Variants in MEF2B observed in about 807,000 individuals in gnomAD.
MEF2B encodes the protein myocyte-specific enhancer factor 2B.
In MEF2B, 15 loss-of-function variants were observed where a neutral mutation model predicts 32.2. The observed-to-expected ratio is 0.47, with a 90% CI of 0.31 to 0.72. MEF2B has a LOEUF of 0.72. Among genes scored for constraint, MEF2B ranks in the 30% least tolerant of loss-of-function variants. MEF2B has a pLI of 0.05. For missense variants in MEF2B, 441 were observed against 511.5 expected (o/e 0.86, Z 1.33); for synonymous variants, 205 against 225.6 (o/e 0.91, Z 0.82).
Position 19,150,083 on chromosome 19 carries a change from CAAAAAAAA to C in MEF2B, c.54+591_54+598del, listed in dbSNP as rs562187293. 5.0e-3 allele frequency among the ~76,000 whole-genome samples: 230 copies of C among 45,902 alleles called. 2 individuals are homozygous for C. The highest frequency in any genetic ancestry group is 0.021 in the African/African-American group (220 of 10,416). 30.1% of individuals were successfully genotyped at this position (45,902 alleles called of 152,430 possible). A position where few individuals can be genotyped will look rare whatever the true frequency, so the allele number is the denominator to read the frequency against. ...CTGGGCAACAAAGTGAACTCCATCTCAAAAAAAAAAAAAAAAAAAAAAAGGAAGGATGG... is the reference window on the plus strand; with the variant it reads ...CTGGGCAACAAAGTGAACTCCATCTCAAAAAAAAAAAAAAAGGAAGGATGG... On this transcript the variant is annotated intron_variant, in intron 2 of 8. Transcript: ENST00000424583.
intron 1 of MEF2B, among the ~76,000 whole-genome samples, chr19:19,151,773 T>G (rs894911469): frequency 6.6e-6 from 1 of 152,032 alleles, no homozygotes; most frequent in African/African-American, 2.4e-5. Context: ...CTTCTGTGAA[T>G]GGGCTGGTAG....
At chr19:19,159,094 C>T (rs1156821731) in intron 1 of MEF2B, among the ~76,000 whole-genome samples, 1 of 151,592 alleles carries the variant, frequency 6.6e-6, no homozygotes, top group Non-Finnish European at 1.5e-5. Context: ...GCACACACCA[C>T]TACACCCAGC....
intron 1 of MEF2B, among the ~76,000 whole-genome samples, chr19:19,154,725 T>A (rs2060108881): frequency 1.3e-5 from 2 of 152,226 alleles, no homozygotes; most frequent in Non-Finnish European, 2.9e-5. Context: ...ATTCCAGGCG[T>A]GAGCCACTAT....
At chr19:19,158,892 C>T (rs2060139137) in intron 1 of MEF2B, among the ~76,000 whole-genome samples, 1 of 151,898 alleles carries the variant, frequency 6.6e-6, no homozygotes, top group African/African-American at 2.4e-5. Context: ...AACTGAGATC[C>T]TGTCACTGCA....
At chr19:19,153,618 C>G (rs28637041) in intron 1 of MEF2B, among the ~76,000 whole-genome samples, 24,454 of 151,802 alleles carry the variant, frequency 0.16, 2,233 homozygotes, top group East Asian at 0.34. Context: ...CACCACACCT[C>G]GCTAATTTTT....
At chr19:19,166,888 A>C (rs529466658) in intron 1 of MEF2B, among the ~76,000 whole-genome samples, 1 of 152,070 alleles carries the variant, frequency 6.6e-6, no homozygotes, top group South Asian at 2.1e-4. Flanking sequence ...ACATAGGGAG[A>C]CCTTGTCTCT....
intron 8 of MEF2B, 94 bp from the exon 9 acceptor site, chr19:19,146,116 G>A: frequency 8.8e-7 from 1 of 1,136,748 alleles, no homozygotes; most frequent in South Asian, 1.8e-5. Flanking sequence ...TTGGCAGGAG[G>A]ACCCTGGGAA....
chr19:19,165,038 G>A lies in MEF2B; in HGVS notation c.-30+5167C>T, dbSNP rs115279857. ...GCCCACAGCCCGGCAGCCCGAAGATGCAGCCAGCAGGGACCCCGAGATGGG... is the reference window on the plus strand; with the variant it reads ...GCCCACAGCCCGGCAGCCCGAAGATACAGCCAGCAGGGACCCCGAGATGGG... On this transcript the variant is annotated intron_variant, in intron 1 of 8. Transcript: ENST00000424583. Among the ~76,000 whole-genome samples, 736 of 152,288 alleles carry A rather than the reference G, an allele frequency of 4.8e-3. 6 individuals are homozygous for A. The highest frequency in any genetic ancestry group is 0.017 in the African/African-American group (719 of 41,568).
intron 1 of MEF2B, among the ~76,000 whole-genome samples, chr19:19,155,530 C>T (rs1423634246): frequency 1.3e-5 from 2 of 152,154 alleles, no homozygotes; most frequent in Admixed American, 6.6e-5. Flanking sequence ...GTCACTGACC[C>T]CCTCCACAAC....
chr19:19,157,274 C>T (rs1454070071), intron 1 of MEF2B: 1 of 154,876 alleles, frequency 6.5e-6, no homozygotes, highest in Non-Finnish European at 1.5e-5. Context: ...GAAATGGGTC[C>T]AAGTTACACC....
intron 1 of MEF2B, among the ~76,000 whole-genome samples, chr19:19,155,101 T>C (rs979950117): frequency 5.3e-5 from 8 of 152,168 alleles, no homozygotes; most frequent in African/African-American, 1.9e-4. Flanking sequence ...TGAGGGAATC[T>C]ACCCAACCAA....
intron 1 of MEF2B, among the ~76,000 whole-genome samples, chr19:19,160,401 C>T (rs940771829): frequency 1.3e-5 from 2 of 152,108 alleles, no homozygotes; most frequent in African/African-American, 4.8e-5. Flanking sequence ...CACCTGCTTC[C>T]TCCCCCATAA....
At chr19:19,168,268 C>CTTTT (rs1050853160) in intron 1 of MEF2B, among the ~76,000 whole-genome samples, 34 of 99,010 alleles carry the variant, frequency 3.4e-4, no homozygotes, top group Middle Eastern at 6.3e-3. Flanking sequence ...TTTCTTTCTT[C>CTTTT]TTTTTTTTTT....
Position 19,146,847 on chromosome 19 carries a change from G to A in MEF2B, c.570C>T (p.Ser190=), listed in dbSNP as rs2146351162. ...PGLVHPLFSP[S]HLTSKTPPPL... ...GGGGTGGTGTCTTGCTGGTGAGGTG[G>A]CTTGGTGAGAAGAGAGGGTGCACCA... Residue 190 remains serine (S), a synonymous_variant, in exon 6 of 9, where the codon AGC becomes AGT. Coordinates refer to ENST00000424583, the MANE Select transcript of MEF2B (RefSeq NM_001145785.2). 1 of 1,613,408 alleles carries A rather than the reference G, an allele frequency of 6.2e-7. No homozygotes were observed. The highest frequency in any genetic ancestry group is 8.5e-7 in the Non-Finnish European group (1 of 1,179,840).
At chr19:19,146,952 G>T in intron 5 of MEF2B, 77 bp from the exon 6 acceptor site, 1 of 1,569,508 alleles carries the variant, frequency 6.4e-7, no homozygotes, top group Non-Finnish European at 8.7e-7. Flanking sequence ...TAGAGGTGAT[G>T]CACGCAGCCT....
intron 4 of MEF2B, 62 bp downstream of exon 4, chr19:19,147,636 C>G: frequency 6.3e-7 from 1 of 1,586,640 alleles, no homozygotes; most frequent in Non-Finnish European, 8.6e-7. Flanking sequence ...GTACCAGCCT[C>G]AACGACTTGG....
intron 1 of MEF2B, among the ~76,000 whole-genome samples, chr19:19,168,266 T>C (rs2060225045): frequency 7.0e-6 from 1 of 142,746 alleles, no homozygotes; most frequent in Non-Finnish European, 1.5e-5. Flanking sequence ...TGTTTCTTTC[T>C]TCTTTTTTTT....
chr19:19,163,730 T>C (rs2060185360), intron 1 of MEF2B, among the ~76,000 whole-genome samples: 1 of 152,206 alleles, frequency 6.6e-6, no homozygotes, highest in African/African-American at 2.4e-5. Context: ...CTGGGCCTAC[T>C]GCAACCTCCG....
At chr19:19,155,081 C>T (rs2060111255) in intron 1 of MEF2B, among the ~76,000 whole-genome samples, 1 of 152,212 alleles carries the variant, frequency 6.6e-6, no homozygotes, top group Non-Finnish European at 1.5e-5. Context: ...CCATCCTCCA[C>T]TCTAGCCCCT....
Sources: gnomAD v4.1 joint callset for allele counts (sites outside exome capture counted in the v4.1 genomes callset) on GRCh38, gnomAD v4.1.1 for gene constraint, MANE v1.5 for transcripts, NCBI Gene and HGNC (gene_info 2026-07-23, HGNC 2026-07-21) for gene names.